The following TENM1 variants were observed in gnomAD, a reference collection of about 807,000 sequenced individuals.
TENM1 encodes the protein teneurin transmembrane protein 1.
Under a neutral mutation model 174.8 loss-of-function variants are expected in TENM1, and 35 were observed. The ratio of observed to expected loss-of-function variants is 0.20; its 90% CI spans 0.15 to 0.27. TENM1 has a LOEUF of 0.27. TENM1 is among the 10% of genes least tolerant of loss of function. The pLI, the probability that TENM1 is intolerant of heterozygous loss-of-function variation, is 1.00. For synonymous variants in TENM1, 781 were observed against 798.7 expected, an observed-to-expected ratio of 0.98 and a Z score of 0.37; for missense variants, 1,633 against 2,130.1, an observed-to-expected ratio of 0.77 and a Z score of 4.59.
At chrX:124,478,209 C>T (rs149285122) in intron 22 of TENM1, among the ~76,000 whole-genome samples, 1,010 of 110,347 alleles carry the variant, frequency 9.2e-3, no homozygotes, top group African/African-American at 0.033. Context: ...TGTCTATCTT[C>T]GTGTTCGGGT....
At chrX:125,179,365 T>A in the TENM1 span, among the ~76,000 whole-genome samples, 1 of 110,233 alleles carries the variant, frequency 9.1e-6, no homozygotes, top group East Asian at 2.9e-4. Context: ...CTAATCCTGG[T>A]GCTTTTGGGA....
At chrX:124,568,228 T>C (rs1255479475) in intron 11 of TENM1, among the ~76,000 whole-genome samples, 1 of 111,232 alleles carries the variant, frequency 9.0e-6, no homozygotes, top group East Asian at 2.8e-4. Context: ...TTATACCCAA[T>C]TACGACTAGG....
chrX:125,176,339 C>G, the TENM1 span, among the ~76,000 whole-genome samples: 1 of 111,618 alleles, frequency 9.0e-6, no homozygotes, highest in African/African-American at 3.2e-5. Flanking sequence ...ATTTGGTACA[C>G]AGAACTCTGT....
chrX:124,908,076 T>C (rs1266357882), intron 1 of TENM1, among the ~76,000 whole-genome samples: 2 of 111,940 alleles, frequency 1.8e-5, no homozygotes, highest in Non-Finnish European at 3.8e-5. Flanking sequence ...GGGGCAGAAA[T>C]GAATGGAGGT....
chrX:124,693,008 CAA>C (rs576815327), intron 5 of TENM1, among the ~76,000 whole-genome samples: 1 of 33,570 alleles, frequency 3.0e-5, no homozygotes. Flanking sequence ...AACTCCATCT[CAA>C]AAAAAAAAAA....
the TENM1 span, among the ~76,000 whole-genome samples, chrX:125,061,921 C>T: frequency 8.9e-6 from 1 of 112,027 alleles, no homozygotes; most frequent in African/African-American, 3.2e-5. Context: ...GAAACTGTAT[C>T]ATGATTGCCC....
intron 16 of TENM1, among the ~76,000 whole-genome samples, chrX:124,528,696 C>CAT (rs2048036800): frequency 1.8e-5 from 2 of 109,641 alleles, no homozygotes; most frequent in African/African-American, 6.7e-5. Context: ...TATATATGTG[C>CAT]ATATATATGT....
intron 11 of TENM1, among the ~76,000 whole-genome samples, chrX:124,593,908 C>T (rs930372709): frequency 3.6e-5 from 4 of 112,084 alleles, no homozygotes; most frequent in African/African-American, 1.3e-4. Context: ...CTACCCTACT[C>T]CAGAGCAGGT....
intron 3 of TENM1, among the ~76,000 whole-genome samples, chrX:124,853,247 T>A (rs112851382): frequency 2.4e-4 from 27 of 111,533 alleles, no homozygotes; most frequent in Non-Finnish European, 4.2e-4. Flanking sequence ...TATCTGAAGC[T>A]GTGATTTTAA....
the TENM1 span, among the ~76,000 whole-genome samples, chrX:125,186,594 G>A: frequency 9.4e-6 from 1 of 106,567 alleles, no homozygotes; most frequent in Non-Finnish European, 1.9e-5. Context: ...AAAAAAGCCT[G>A]GCACACACTC....
At chrX:124,932,726 C>T (rs182968388) in intron 1 of TENM1, among the ~76,000 whole-genome samples, 9 of 111,506 alleles carry the variant, frequency 8.1e-5, no homozygotes, top group Non-Finnish European at 1.5e-4. Context: ...CAAACATGAC[C>T]TTCAGCATGA....
intron 6 of TENM1, among the ~76,000 whole-genome samples, chrX:124,662,732 G>A (rs972800441): frequency 9.0e-6 from 1 of 111,184 alleles, no homozygotes; most frequent in East Asian, 2.8e-4. Flanking sequence ...CCAAGGTCTG[G>A]CGCAAACTAC....
chrX:125,171,974 T>C, the TENM1 span, among the ~76,000 whole-genome samples: 3 of 111,186 alleles, frequency 2.7e-5, no homozygotes, highest in African/African-American at 9.8e-5. Flanking sequence ...ATGAAGAAAA[T>C]AGAGGTAAAA....
intron 21 of TENM1, among the ~76,000 whole-genome samples, chrX:124,482,989 C>T (rs1043639030): frequency 1.8e-5 from 2 of 112,150 alleles, no homozygotes; most frequent in African/African-American, 6.5e-5. Context: ...ATCCCTATGC[C>T]ATTACATTAG....
intron 3 of TENM1, among the ~76,000 whole-genome samples, chrX:124,883,982 C>T (rs2057343751): frequency 9.0e-6 from 1 of 110,928 alleles, no homozygotes; most frequent in Non-Finnish European, 1.9e-5. Context: ...GTAGGGTGAT[C>T]CCAGACCTCT....
At chrX:125,083,529 C>T in the TENM1 span, among the ~76,000 whole-genome samples, 2 of 110,410 alleles carry the variant, frequency 1.8e-5, no homozygotes, top group Non-Finnish European at 3.8e-5. Context: ...ACACATCATA[C>T]ACACACATAT....
At chrX:124,404,188 G>A (rs1052080840) in intron 27 of TENM1, among the ~76,000 whole-genome samples, 35 of 111,784 alleles carry the variant, frequency 3.1e-4, no homozygotes, top group African/African-American at 1.0e-3. Flanking sequence ...TATATCAGGC[G>A]TGACACAGGT....
the TENM1 span, among the ~76,000 whole-genome samples, chrX:125,193,514 C>T: frequency 9.0e-6 from 1 of 111,491 alleles, no homozygotes; most frequent in Non-Finnish European, 1.9e-5. Context: ...TACACCCTTG[C>T]GTCCGGTGTA....
chrX:124,694,770 G>A (rs1438728788), intron 5 of TENM1, among the ~76,000 whole-genome samples: 2 of 111,514 alleles, frequency 1.8e-5, no homozygotes, highest in Non-Finnish European at 3.8e-5. Context: ...CCATGGTTAG[G>A]GCCATGATTT....
Sources: allele counts gnomAD v4.1 joint callset (sites outside exome capture counted in the v4.1 genomes callset), GRCh38; gene constraint gnomAD v4.1.1; transcripts MANE v1.5; gene names NCBI Gene and HGNC (gene_info 2026-07-23, HGNC 2026-07-21).